Variants in PLOD2 observed in about 807,000 individuals in gnomAD.
The protein encoded by PLOD2 is procollagen-lysine,2-oxoglutarate 5-dioxygenase 2.
In PLOD2, 65 loss-of-function variants were observed where a neutral mutation model predicts 101.0. That is an observed-to-expected ratio of 0.64 (90% CI 0.53 to 0.79). The LOEUF is 0.79. PLOD2 is among the 30% of genes least tolerant of loss of function. PLOD2 has a pLI of 0.00. For missense variants in PLOD2, 909 were observed against 914.6 expected, an observed-to-expected ratio of 0.99 and a Z score of 0.08; for synonymous variants, 314 against 302.9, an observed-to-expected ratio of 1.04 and a Z score of -0.38.
At position 146,086,772 on chromosome 3, in the gene PLOD2, T is replaced by C. The variant is rs1459269654; in HGVS notation, c.1127+15A>G. On this transcript the variant is annotated intron_variant, in intron 10 of 19. Coordinates refer to ENST00000282903, the MANE Select transcript of PLOD2 (RefSeq NM_182943.3). ...GTAAAATAATTTAATTTAATTTTAA[T>C]TTATTAAAACATACATTCCCATGTT... is the stretch of plus-strand genomic sequence containing the variant. 3 of 1,396,160 alleles carry C rather than the reference T, an allele frequency of 2.1e-6. No homozygotes were observed. The highest frequency in any genetic ancestry group is 2.9e-6 in the Non-Finnish European group (3 of 1,035,428). The allele number at this position is 1,396,160 out of a possible 1,614,324, so 86.5% of individuals were successfully genotyped here.
At chr3:146,093,466 T>C in intron 7 of PLOD2, among the ~76,000 whole-genome samples, 1 of 152,278 alleles carries the variant, frequency 6.6e-6, no homozygotes, top group African/African-American at 2.4e-5. Flanking sequence ...GAAATAAATA[T>C]TTTACTGTTG....
At chr3:146,134,139 CTA>C (rs1212540391) in intron 1 of PLOD2, among the ~76,000 whole-genome samples, 2 of 151,966 alleles carry the variant, frequency 1.3e-5, no homozygotes, top group Non-Finnish European at 2.9e-5. Flanking sequence ...TAGATTTTCT[CTA>C]TATGATTTTA....
intron 3 of PLOD2, among the ~76,000 whole-genome samples, chr3:146,116,264 G>GAC (rs758025858): frequency 2.0e-5 from 3 of 151,224 alleles, no homozygotes; most frequent in African/African-American, 2.4e-5. Flanking sequence ...CAGACACACA[G>GAC]ACACACACAC....
chr3:146,107,297 T>C (rs1238868502), intron 4 of PLOD2, among the ~76,000 whole-genome samples: 1 of 152,212 alleles, frequency 6.6e-6, no homozygotes, highest in East Asian at 1.9e-4. Flanking sequence ...TCCTTGGCCT[T>C]AAAGCATAAG....
At chr3:146,139,913 A>G (rs1158486530) in intron 1 of PLOD2, among the ~76,000 whole-genome samples, 1 of 152,082 alleles carries the variant, frequency 6.6e-6, no homozygotes, top group Non-Finnish European at 1.5e-5. Context: ...CTCACCTCGT[A>G]TACAGTCAAA....
chr3:146,076,671 C>T, intron 15 of PLOD2, 111 bp downstream of exon 15: 1 of 642,192 alleles, frequency 1.6e-6, no homozygotes, highest in East Asian at 2.7e-5. Context: ...ATGTGCATTT[C>T]ACCTTATGTC....
At chr3:146,097,919 G>A (rs1937262468) in intron 7 of PLOD2, among the ~76,000 whole-genome samples, 1 of 152,068 alleles carries the variant, frequency 6.6e-6, no homozygotes, top group Non-Finnish European at 1.5e-5. Context: ...GGATGAAGCT[G>A]GAAACCATCA....
At chr3:146,129,811 C>T (rs1344807499) in intron 1 of PLOD2, among the ~76,000 whole-genome samples, 8 of 152,090 alleles carry the variant, frequency 5.3e-5, no homozygotes, top group African/African-American at 1.4e-4. Flanking sequence ...ACTCTAGATA[C>T]GCCTTCTCAA....
intron 1 of PLOD2, among the ~76,000 whole-genome samples, chr3:146,126,938 G>C (rs938633293): frequency 1.3e-5 from 2 of 152,036 alleles, no homozygotes; most frequent in Non-Finnish European, 2.9e-5. Flanking sequence ...ATTAAAACAA[G>C]ACTGGCCATA....
Position 146,102,713 on chromosome 3 carries a change from C to A in PLOD2, c.777+42G>T. 3.1e-6 allele frequency: 3 copies of A among 952,462 alleles called. No homozygotes were observed. The South Asian group carries it at 3.9e-5, about 12-fold the overall frequency. 59.0% of individuals were successfully genotyped at this position (952,462 alleles called of 1,614,324 possible). A position where few individuals can be genotyped will look rare whatever the true frequency, so the allele number is the denominator to read the frequency against. ...GACATTCCACATATCAATCCATAGT[C>A]TATCTCCAAGAATTGGCCAAATAAA... On this transcript the variant is annotated intron_variant, in intron 7 of 19. Coordinates refer to ENST00000282903, the MANE Select transcript of PLOD2 (RefSeq NM_182943.3).
intron 12 of PLOD2, among the ~76,000 whole-genome samples, chr3:146,080,268 T>C (rs765489784): frequency 6.6e-6 from 1 of 151,952 alleles, no homozygotes; most frequent in Non-Finnish European, 1.5e-5. Flanking sequence ...ATAATAAAGT[T>C]TAATTTATAC....
intron 7 of PLOD2, among the ~76,000 whole-genome samples, chr3:146,094,698 T>C (rs975894199): frequency 2.0e-5 from 3 of 152,206 alleles, no homozygotes; most frequent in Non-Finnish European, 2.9e-5. Context: ...ATTGACTTTA[T>C]TCACAAAACT....
intron 7 of PLOD2, among the ~76,000 whole-genome samples, chr3:146,092,956 A>G (rs1206475697): frequency 6.6e-6 from 1 of 152,136 alleles, no homozygotes; most frequent in Non-Finnish European, 1.5e-5. Context: ...AAAAGCACCT[A>G]AAATCCCTAT....
chr3:146,072,330 G>A (rs2107993103), intron 17 of PLOD2, among the ~76,000 whole-genome samples: 1 of 151,756 alleles, frequency 6.6e-6, no homozygotes, highest in Middle Eastern at 3.4e-3. Flanking sequence ...GGAACATCCA[G>A]TGTAATTACA....
At chr3:146,149,797 C>T (rs903204176) in intron 1 of PLOD2, among the ~76,000 whole-genome samples, 27 of 152,060 alleles carry the variant, frequency 1.8e-4, no homozygotes, top group African/African-American at 3.9e-4. Flanking sequence ...TAATCTTACA[C>T]GTAAAAAACA....
chr3:146,156,680 A>G (rs1423552652), intron 1 of PLOD2, among the ~76,000 whole-genome samples: 2 of 152,190 alleles, frequency 1.3e-5, no homozygotes, highest in South Asian at 2.1e-4. Context: ...CTCCTTTTAC[A>G]TAACCTGCAA....
At chr3:146,133,108 G>A (rs572614237) in intron 1 of PLOD2, among the ~76,000 whole-genome samples, 15 of 152,202 alleles carry the variant, frequency 9.9e-5, no homozygotes, top group Non-Finnish European at 1.8e-4. Flanking sequence ...CCCAGGAGGC[G>A]GAGCTTGCAG....
chr3:146,070,969 G>C, intron 19 of PLOD2, 73 bp downstream of exon 19: 7 of 1,509,208 alleles, frequency 4.6e-6, no homozygotes, highest in African/African-American at 1.4e-5. Flanking sequence ...AAGAAACTAA[G>C]GCCTAAGGCA....
intron 1 of PLOD2, among the ~76,000 whole-genome samples, chr3:146,149,932 GA>G (rs1347423165): frequency 6.6e-6 from 1 of 151,600 alleles, no homozygotes; most frequent in Admixed American, 6.6e-5. Flanking sequence ...AAAATAGCCA[GA>G]AAAAAAAGCA....
Sources: gnomAD v4.1 joint callset for allele counts (sites outside exome capture counted in the v4.1 genomes callset) on GRCh38, gnomAD v4.1.1 for gene constraint, MANE v1.5 for transcripts, NCBI Gene and HGNC (gene_info 2026-07-23, HGNC 2026-07-21) for gene names.